The following PAX8 variants were observed in gnomAD, a reference collection of about 807,000 sequenced individuals.
The protein encoded by PAX8 is paired box 8.
A neutral mutation model predicts 52.4 loss-of-function variants in PAX8; 15 were observed. The ratio of observed to expected loss-of-function variants is 0.29; its 90% CI spans 0.19 to 0.44. PAX8 has a LOEUF of 0.44. Ranked by LOEUF, PAX8 falls within the 20% of genes least tolerant of loss-of-function variation. The pLI, the probability that PAX8 is intolerant of heterozygous loss-of-function variation, is 1.00. For synonymous variants in PAX8, 284 were observed against 249.7 expected (o/e 1.14, Z -1.29); for missense variants, 554 against 602.5 (o/e 0.92, Z 0.84).
At chr2:113,255,529 T>C (rs1469348647) in intron 2 of PAX8, 1 of 152,468 alleles carries the variant, frequency 6.6e-6, no homozygotes, top group Non-Finnish European at 1.5e-5. Flanking sequence ...ATATCAGATC[T>C]TCAACGTCAA....
At chr2:113,235,306 G>T in intron 9 of PAX8, 88 bp downstream of exon 9, 1 of 1,144,360 alleles carries the variant, frequency 8.7e-7, no homozygotes, top group African/African-American at 1.5e-5. Context: ...ATGAGACTGA[G>T]GCCAGAGAGG....
At chr2:113,265,699 G>GACT (rs1228536054) in intron 2 of PAX8, 1 of 152,198 alleles carries the variant, frequency 6.6e-6, no homozygotes, top group East Asian at 1.9e-4. Flanking sequence ...CCTATCTCTA[G>GACT]AATGTCAGCA....
chr2:113,251,572 G>A (rs1691768413), intron 2 of PAX8, among the ~76,000 whole-genome samples: 1 of 152,254 alleles, frequency 6.6e-6, no homozygotes, highest in Admixed American at 6.5e-5. Flanking sequence ...GGTCAGAGAG[G>A]ACTTATCGTA....
intron 2 of PAX8, chr2:113,263,545 G>C (rs973479277): frequency 6.6e-6 from 1 of 152,212 alleles, no homozygotes; most frequent in Non-Finnish European, 1.5e-5. Context: ...CATGAGGTAG[G>C]TGGGGCTGGC....
Position 113,216,803 on chromosome 2 carries a change from T to C in PAX8, c.*1730A>G, listed in dbSNP as rs1256568931. The C allele has an allele frequency of 3.1e-5, 7 of 228,658 alleles. No individual in the cohort carries two copies. The highest frequency in any genetic ancestry group is 3.7e-4 in the South Asian group (2 of 5,478). The allele number at this position is 228,658 out of a possible 1,614,324, so 14.2% of individuals were successfully genotyped here. On this transcript the variant is annotated 3_prime_UTR_variant, in exon 12 of 12. Transcript: ENST00000429538. ...GACTCTGGGGTTTTGGGTAAAAGCG[T>C]TGGGCTTAGAGTAAGAGGACTTGGT...
chr2:113,242,285 ACT>A (rs1178678335), intron 5 of PAX8, among the ~76,000 whole-genome samples, 155 bp from the exon 6 acceptor site: 3 of 150,486 alleles, frequency 2.0e-5, no homozygotes, highest in Non-Finnish European at 4.4e-5. Context: ...CCCTGGGGTG[ACT>A]CTGGGGGGAC....
chr2:113,236,061 G>A (rs1206833807), intron 8 of PAX8: 2 of 224,424 alleles, frequency 8.9e-6, no homozygotes, highest in Non-Finnish European at 1.7e-5. Context: ...CCGGAGGCGC[G>A]ACCCCTCGGC....
chr2:113,241,998 C>G lies in PAX8; in HGVS notation c.601+10G>C, dbSNP rs746317492. 1.2e-6 allele frequency: 2 copies of G among 1,613,334 alleles called. No individual in the cohort carries two copies. Among genetic ancestry groups the G allele is most frequent in the Non-Finnish European group, 1.7e-6 (2 of 1,179,672 alleles). ...TGCACCGCCCGCTGCCCTCCTGTCC[C>G]AGCACTCACTGTCATCCATTTTCCT... On this transcript the variant is annotated intron_variant, in intron 6 of 11. Coordinates refer to ENST00000429538, the MANE Select transcript of PAX8 (RefSeq NM_003466.4).
chr2:113,235,799 GGA>G (rs1690242678), intron 8 of PAX8: 1 of 555,082 alleles, frequency 1.8e-6, no homozygotes, highest in Admixed American at 3.3e-5. Flanking sequence ...CAGCGAAAAT[GGA>G]GAGACCCGGA....
At chr2:113,235,850 C>A in intron 8 of PAX8, 1 of 492,770 alleles carries the variant, frequency 2.0e-6, no homozygotes, top group Non-Finnish European at 3.6e-6. Context: ...GGAGGGAGCG[C>A]GGAGACCCGG....
intron 10 of PAX8, among the ~76,000 whole-genome samples, chr2:113,224,161 A>G (rs1346979198): frequency 2.0e-5 from 3 of 152,194 alleles, no homozygotes; most frequent in Admixed American, 1.3e-4. Flanking sequence ...GAATGGACGA[A>G]TGAATATGGA....
rs147752449 is a variant in PAX8, at chr2:113,221,387, G to A, written c.1190-1209C>T. Among the ~76,000 whole-genome samples the A allele has an allele frequency of 3.1e-3, 475 of 152,272 alleles. 2 individuals carry two copies. The highest frequency in any genetic ancestry group is 0.019 in the East Asian group (99 of 5,174). Reference sequence around the variant, plus strand: ...CCCAGACTCTTTGGAGGGGTTGCTCGAAACTCCCTGACTCTGGAGCTGACC... The same window carrying A: ...CCCAGACTCTTTGGAGGGGTTGCTCAAAACTCCCTGACTCTGGAGCTGACC... On this transcript the variant is annotated intron_variant, in intron 10 of 11. Coordinates refer to ENST00000429538, the MANE Select transcript of PAX8 (RefSeq NM_003466.4).
intron 2 of PAX8, among the ~76,000 whole-genome samples, chr2:113,277,412 G>A (rs1573561926): frequency 6.6e-6 from 1 of 152,138 alleles, no homozygotes; most frequent in African/African-American, 2.4e-5. Context: ...TATAACAAAT[G>A]TCCCGTTTGC....
chr2:113,228,239 A>G (rs1470295915), intron 9 of PAX8, among the ~76,000 whole-genome samples: 1 of 152,164 alleles, frequency 6.6e-6, no homozygotes, highest in African/African-American at 2.4e-5. Context: ...GGCCCCAATC[A>G]GATTCTCCTT....
At chr2:113,226,734 G>C in intron 10 of PAX8, 3 of 1,131,906 alleles carry the variant, frequency 2.7e-6, no homozygotes, top group Non-Finnish European at 3.3e-6. Flanking sequence ...GGTAAACTGG[G>C]ATTCATCAGA....
chr2:113,218,993 T>C (rs1573395108), intron 11 of PAX8, among the ~76,000 whole-genome samples: 1 of 152,200 alleles, frequency 6.6e-6, no homozygotes, highest in East Asian at 1.9e-4. Context: ...GAGTCTTCTT[T>C]CTTAAGACCC....
intron 5 of PAX8, 103 bp from the exon 6 acceptor site, chr2:113,242,233 G>A: frequency 1.0e-6 from 1 of 976,798 alleles, no homozygotes; most frequent in South Asian, 1.5e-5. Flanking sequence ...TGCAGGGGCT[G>A]GGGGAGAGGG....
At position 113,260,701 on chromosome 2, in the gene PAX8, C is replaced by T. The variant is rs76912020; in HGVS notation, c.26-13782G>A. 8.0e-3 allele frequency among the ~76,000 whole-genome samples: 1,216 copies of T among 152,256 alleles called. 14 individuals are homozygous for T. Among genetic ancestry groups the T allele is most frequent in the East Asian group, 0.049 (256 of 5,186 alleles). On this transcript the variant is annotated intron_variant, in intron 2 of 11. Transcript: ENST00000429538. ...GTCACATAAAGATGCCTCCCTCACC[C>T]GGACAGTTGAACTAAATGACCTCTA...
chr2:113,244,375 C>G, intron 4 of PAX8, 52 bp downstream of exon 4: 1 of 1,402,276 alleles, frequency 7.1e-7, no homozygotes, highest in Non-Finnish European at 1.0e-6. Flanking sequence ...TTCCTGATTT[C>G]CCCAAAGCCC....
Sources: gnomAD v4.1 joint callset for allele counts (sites outside exome capture counted in the v4.1 genomes callset) on GRCh38, gnomAD v4.1.1 for gene constraint, MANE v1.5 for transcripts, NCBI Gene and HGNC (gene_info 2026-07-23, HGNC 2026-07-21) for gene names.